The following SLC25A26 variants were observed in gnomAD, a reference collection of about 807,000 sequenced individuals.
SLC25A26 encodes mitochondrial S-adenosylmethionine carrier protein.
A neutral mutation model predicts 37.8 loss-of-function variants in SLC25A26; 36 were observed. The ratio of observed to expected loss-of-function variants is 0.95; its 90% CI spans 0.73 to 1.26. The LOEUF (loss-of-function observed/expected upper bound fraction) is 1.26. Ranked by LOEUF, SLC25A26 falls within the 50% of genes most tolerant of loss-of-function variation. The pLI is 0.00. For synonymous variants in SLC25A26, 129 were observed against 122.5 expected (o/e 1.05, Z -0.35); for missense variants, 390 against 331.1 (o/e 1.18, Z -1.38).
chr3:66,354,382 T>A (rs2076528031), intron 6 of SLC25A26, among the ~76,000 whole-genome samples: 1 of 152,224 alleles, frequency 6.6e-6, no homozygotes, highest in Non-Finnish European at 1.5e-5. Flanking sequence ...AATACTTTTC[T>A]AAGATGAAAT....
At chr3:66,271,657 A>G (rs1263858848) in intron 5 of SLC25A26, among the ~76,000 whole-genome samples, 1 of 152,102 alleles carries the variant, frequency 6.6e-6, no homozygotes. Flanking sequence ...GGGCAGTGGT[A>G]CTACCGTTAC....
intron 5 of SLC25A26, among the ~76,000 whole-genome samples, chr3:66,345,589 T>G (rs332357): frequency 0.063 from 9,541 of 151,302 alleles, 366 homozygotes; most frequent in African/African-American, 0.11. Flanking sequence ...TTCCTTTTCT[T>G]CCACTCCTTT....
intron 1 of SLC25A26, among the ~76,000 whole-genome samples, chr3:66,167,996 A>G (rs2070447395): frequency 6.6e-6 from 1 of 151,720 alleles, no homozygotes; most frequent in Non-Finnish European, 1.5e-5. Context: ...TCTACTAAAA[A>G]TACAAAATTA....
At chr3:66,296,828 G>T (rs1374178621) in intron 5 of SLC25A26, among the ~76,000 whole-genome samples, 1 of 152,198 alleles carries the variant, frequency 6.6e-6, no homozygotes, top group Non-Finnish European at 1.5e-5. Context: ...ATGGATTGCA[G>T]ATGGGATGAG....
At chr3:66,368,779 A>G (rs1427422728) in intron 7 of SLC25A26, among the ~76,000 whole-genome samples, 1 of 152,134 alleles carries the variant, frequency 6.6e-6, no homozygotes, top group African/African-American at 2.4e-5. Context: ...ACACTTTGGG[A>G]GGCCGAGGCA....
chr3:66,134,077 C>T (rs2069910436), intron 1 of SLC25A26: 1 of 152,196 alleles, frequency 6.6e-6, no homozygotes. Flanking sequence ...TGTGCTGAGA[C>T]TGCAACTTAG....
At chr3:66,250,495 C>T (rs540425382) in intron 3 of SLC25A26, among the ~76,000 whole-genome samples, 6 of 152,204 alleles carry the variant, frequency 3.9e-5, no homozygotes, top group South Asian at 4.1e-4. Flanking sequence ...TGATCTTTTC[C>T]GGGCTAGTGA....
intron 1 of SLC25A26, among the ~76,000 whole-genome samples, chr3:66,156,954 C>T (rs765468289): frequency 1.3e-5 from 2 of 152,096 alleles, no homozygotes; most frequent in Non-Finnish European, 2.9e-5. Context: ...AACAACTGGC[C>T]GGGCATGGTA....
intron 5 of SLC25A26, among the ~76,000 whole-genome samples, chr3:66,330,197 A>G (rs1243982738): frequency 6.6e-6 from 1 of 152,198 alleles, no homozygotes; most frequent in Admixed American, 6.5e-5. Context: ...GGCCTATACA[A>G]CTGGGCCTAT....
At position 66,137,979 on chromosome 3, in the gene SLC25A26, G is replaced by A. The variant is rs547398960; in HGVS notation, c.-354+3995G>A. Among the ~76,000 whole-genome samples, 7 of 151,928 alleles carry A rather than the reference G, an allele frequency of 4.6e-5. No homozygotes were observed. In the East Asian group the frequency reaches 9.7e-4, roughly 21 times the overall value. ...CTCCAGAGCAGCTGGGATTACAGGC[G>A]TGCATTACCACACCCAGCTAATTTT... On this transcript the variant is annotated intron_variant, in intron 1 of 10. Transcript: ENST00000676754.
intron 1 of SLC25A26, among the ~76,000 whole-genome samples, chr3:66,172,410 G>GAAAAAAAAAAAAAAAA (rs1199322248): frequency 5.2e-4 from 39 of 75,194 alleles, no homozygotes; most frequent in African/African-American, 7.9e-4. Context: ...TACCTGTAAA[G>GAAAAAAAAAAAAAAAA]AAAAAAAAAA....
At position 66,137,210 on chromosome 3, in the gene SLC25A26, TTTC is replaced by T. The variant is rs199776636; in HGVS notation, c.-354+3229_-354+3231del. ...ACACCAAATCTACCTATGCTGTGAT[TTTC>T]TTTCTTTTTTTTTTTTTTTTTTTTG... On this transcript the variant is annotated intron_variant, in intron 1 of 10. Coordinates refer to the SLC25A26 transcript ENST00000676754. Among the ~76,000 whole-genome samples, 270 of 147,518 alleles carry T rather than the reference TTTC, an allele frequency of 1.8e-3. 1 individual carries two copies. Among genetic ancestry groups the T allele is most frequent in the Admixed American group, 0.013 (187 of 14,534 alleles).
At chr3:66,220,626 A>C (rs1160222930), upstream of SLC25A26, 1 of 160,630 alleles carries the variant, frequency 6.2e-6, no homozygotes, top group Non-Finnish European at 1.4e-5. Context: ...TGACAAAACT[A>C]AGAGATAAAC....
intron 1 of SLC25A26, among the ~76,000 whole-genome samples, chr3:66,197,108 C>T (rs931308749): frequency 1.2e-4 from 19 of 152,040 alleles, no homozygotes; most frequent in African/African-American, 4.6e-4. Flanking sequence ...CTCTAAAAAG[C>T]AATAAGAAGT....
chr3:66,134,409 T>C (rs1477226259), intron 1 of SLC25A26, among the ~76,000 whole-genome samples: 2 of 152,220 alleles, frequency 1.3e-5, no homozygotes, highest in South Asian at 2.1e-4. Context: ...GAGAGAATCA[T>C]TGAGTTGTGT....
chr3:66,348,047 T>G (rs1026889877), intron 6 of SLC25A26, among the ~76,000 whole-genome samples: 2 of 152,136 alleles, frequency 1.3e-5, no homozygotes, highest in Non-Finnish European at 2.9e-5. Flanking sequence ...AGCTGATGGG[T>G]TGATACATGC....
intron 6 of SLC25A26, among the ~76,000 whole-genome samples, chr3:66,362,394 C>T (rs1281588626): frequency 6.7e-6 from 1 of 149,510 alleles, no homozygotes; most frequent in Non-Finnish European, 1.5e-5. Flanking sequence ...GTGGGTGAAT[C>T]ACGAAATAAT....
chr3:66,196,688 A>C (rs1261540385), intron 1 of SLC25A26, among the ~76,000 whole-genome samples: 3 of 139,592 alleles, frequency 2.1e-5, no homozygotes, highest in South Asian at 2.3e-4. Flanking sequence ...TATTATGTGA[A>C]TTAACTGCAA....
At chr3:66,296,811 G>A (rs890477101) in intron 5 of SLC25A26, among the ~76,000 whole-genome samples, 4 of 152,150 alleles carry the variant, frequency 2.6e-5, no homozygotes, top group Admixed American at 6.5e-5. Context: ...TTAACGAATG[G>A]CATAAAATGG....
Sources: gnomAD v4.1 joint callset for allele counts (sites outside exome capture counted in the v4.1 genomes callset) on GRCh38, gnomAD v4.1.1 for gene constraint, MANE v1.5 for transcripts, NCBI Gene and HGNC (gene_info 2026-07-23, HGNC 2026-07-21) for gene names.